Variants in CPED1 observed in about 807,000 individuals in gnomAD.
CPED1 encodes the protein cadherin-like and PC-esterase domain-containing protein 1.
A neutral mutation model predicts 128.2 loss-of-function variants in CPED1; 114 were observed. That is an observed-to-expected ratio of 0.89 (90% CI 0.76 to 1.04). CPED1 has a LOEUF of 1.04. Ranked by LOEUF, CPED1 falls within the 50% of genes least tolerant of loss-of-function variation. The pLI, the probability that CPED1 is intolerant of heterozygous loss-of-function variation, is 0.00. For missense variants in CPED1, 1,211 were observed against 1,207.1 expected (o/e 1.00, Z -0.05); for synonymous variants, 462 against 426.7 (o/e 1.08, Z -1.02).
chr7:121,199,629 A>T (rs1379297649), intron 16 of CPED1, among the ~76,000 whole-genome samples: 1 of 145,212 alleles, frequency 6.9e-6, no homozygotes, highest in Non-Finnish European at 1.5e-5. Context: ...GTGATCCGAG[A>T]TCATGCCACT....
intron 18 of CPED1, among the ~76,000 whole-genome samples, chr7:121,254,917 A>C (rs1453488692): frequency 6.6e-6 from 1 of 151,600 alleles, no homozygotes; most frequent in Non-Finnish European, 1.5e-5. Flanking sequence ...ATTAAAAAAA[A>C]AAACATACCA....
intron 3 of CPED1, among the ~76,000 whole-genome samples, chr7:121,040,215 T>G (rs928332204): frequency 1.3e-5 from 2 of 152,140 alleles, no homozygotes; most frequent in Admixed American, 6.5e-5. Context: ...CCATGTTGTA[T>G]AGTTCATTCA....
At chr7:121,210,361 G>A (rs1417077956) in intron 16 of CPED1, among the ~76,000 whole-genome samples, 3 of 151,928 alleles carry the variant, frequency 2.0e-5, no homozygotes, top group East Asian at 1.9e-4. Flanking sequence ...CTGCACTCCC[G>A]TGTTTATTGC....
At position 121,244,103 on chromosome 7, in the gene CPED1, T is replaced by C. The variant is rs765168965; in HGVS notation, c.2174-99T>C. The C allele has an allele frequency of 2.1e-5, 29 of 1,385,034 alleles. No individual in the cohort carries two copies. The African/African-American group carries it at 2.4e-4, about 12-fold the overall frequency. 85.8% of individuals were successfully genotyped at this position (1,385,034 alleles called of 1,614,324 possible). On this transcript the variant is annotated intron_variant, in intron 17 of 22. Transcript: ENST00000310396. ...ATTTAAAGGATAAGGATGGTCTTAC[T>C]ATAATTTCTGAAATGGTGTGCCATA...
intron 5 of CPED1, among the ~76,000 whole-genome samples, chr7:121,069,110 TA>T (rs1314704028): frequency 1.3e-5 from 2 of 152,150 alleles, no homozygotes; most frequent in East Asian, 3.8e-4. Context: ...TTCCACTATA[TA>T]AATATCTTTG....
chr7:121,134,930 A>G (rs1311047545), intron 13 of CPED1, among the ~76,000 whole-genome samples: 1 of 152,006 alleles, frequency 6.6e-6, no homozygotes, highest in Non-Finnish European at 1.5e-5. Flanking sequence ...TTAATTACAT[A>G]AATTATCAAC....
intron 16 of CPED1, among the ~76,000 whole-genome samples, chr7:121,159,356 T>C (rs1796361200): frequency 6.6e-6 from 1 of 152,118 alleles, no homozygotes; most frequent in African/African-American, 2.4e-5. Context: ...GAGTGATCAA[T>C]TGGAGTTGAG....
At chr7:121,174,636 T>C (rs1796734043) in intron 16 of CPED1, among the ~76,000 whole-genome samples, 1 of 152,132 alleles carries the variant, frequency 6.6e-6, no homozygotes, top group Admixed American at 6.6e-5. Context: ...TCCTGTAATA[T>C]AGTTTGAAGT....
intron 5 of CPED1, among the ~76,000 whole-genome samples, chr7:121,068,916 TG>T (rs1793923420): frequency 6.6e-6 from 1 of 152,174 alleles, no homozygotes; most frequent in Admixed American, 6.5e-5. Context: ...GCTCTCTGTT[TG>T]TCTGTTGTTA....
chr7:121,239,741 C>T (rs1341637237), intron 17 of CPED1, among the ~76,000 whole-genome samples: 1 of 152,084 alleles, frequency 6.6e-6, no homozygotes, highest in East Asian at 1.9e-4. Flanking sequence ...TTTTTTCCTC[C>T]GTTGTATCAT....
chr7:121,131,477 G>A (rs2116337004), intron 12 of CPED1, among the ~76,000 whole-genome samples: 1 of 151,458 alleles, frequency 6.6e-6, no homozygotes, highest in Middle Eastern at 3.4e-3. Flanking sequence ...GATTTCCACA[G>A]GAAGCTGTTT....
chr7:121,279,449 A>G (rs945355836), intron 22 of CPED1, among the ~76,000 whole-genome samples: 3 of 145,126 alleles, frequency 2.1e-5, no homozygotes, highest in African/African-American at 7.7e-5. Flanking sequence ...CTCACTCCCC[A>G]CCCCCCGCCA....
chr7:121,148,358 G>T (rs140625588), intron 16 of CPED1, among the ~76,000 whole-genome samples: 1 of 152,242 alleles, frequency 6.6e-6, no homozygotes, highest in African/African-American at 2.4e-5. Flanking sequence ...TAGAACTTTT[G>T]TTATGTGCCA....
intron 16 of CPED1, among the ~76,000 whole-genome samples, chr7:121,145,848 T>A (rs777327345): frequency 6.6e-6 from 1 of 152,016 alleles, no homozygotes; most frequent in Non-Finnish European, 1.5e-5. Flanking sequence ...GGCTGAAATC[T>A]AGAGTCAAAC....
chr7:121,196,490 T>C (rs1797275699), intron 16 of CPED1, among the ~76,000 whole-genome samples: 1 of 152,124 alleles, frequency 6.6e-6, no homozygotes, highest in Non-Finnish European at 1.5e-5. Context: ...TATTAGAGCT[T>C]AGTTAGAGAC....
chr7:121,054,708 G>T (rs1342792287), intron 4 of CPED1, among the ~76,000 whole-genome samples: 1 of 148,846 alleles, frequency 6.7e-6, no homozygotes, highest in Non-Finnish European at 1.5e-5. Context: ...TTCATTATTT[G>T]TGGTTTATAG....
At chr7:121,145,027 A>G (rs1254980199) in intron 16 of CPED1, among the ~76,000 whole-genome samples, 2 of 150,802 alleles carry the variant, frequency 1.3e-5, no homozygotes. Context: ...TGCTGGTTAC[A>G]TATATAACTA....
intron 5 of CPED1, among the ~76,000 whole-genome samples, chr7:121,078,613 A>C (rs192895400): frequency 2.1e-4 from 31 of 150,468 alleles, no homozygotes; most frequent in African/African-American, 7.6e-4. Context: ...TGTTGGCCTT[A>C]TTCTCTCTTT....
At chr7:121,241,762 A>G (rs1303432052) in intron 17 of CPED1, among the ~76,000 whole-genome samples, 1 of 152,160 alleles carries the variant, frequency 6.6e-6, no homozygotes, top group Non-Finnish European at 1.5e-5. Flanking sequence ...TGGCTCACTG[A>G]GAGTAGAGGT....
Sources: gnomAD v4.1 joint callset for allele counts (sites outside exome capture counted in the v4.1 genomes callset) on GRCh38, gnomAD v4.1.1 for gene constraint, MANE v1.5 for transcripts, NCBI Gene and HGNC (gene_info 2026-07-23, HGNC 2026-07-21) for gene names.